TMEM132C: variants seen among roughly 807,000 people sequenced by gnomAD.
TMEM132C encodes transmembrane protein 132C, also known as protein phosphatase 1, regulatory subunit 152.
TMEM132C carries 29 observed loss-of-function variants against 61.4 expected under a neutral mutation model. The observed-to-expected ratio is 0.47, with a 90% CI of 0.35 to 0.64. The LOEUF (loss-of-function observed/expected upper bound fraction) is 0.64, where lower values mean the gene tolerates loss of function less well. TMEM132C is among the 30% of genes least tolerant of loss of function. TMEM132C has a pLI of 0.00. For synonymous variants in TMEM132C, 656 were observed against 633.1 expected, an observed-to-expected ratio of 1.04 and a Z score of -0.54; for missense variants, 1,408 against 1,476.9, an observed-to-expected ratio of 0.95 and a Z score of 0.76.
chr12:128,414,910 A>C lies in TMEM132C; in HGVS notation c.264A>C (p.Lys88Asn). 6.4e-7 allele frequency: 1 copy of C among 1,551,606 alleles called. No homozygotes were observed. Among genetic ancestry groups the C allele is most frequent in the Non-Finnish European group, 8.7e-7 (1 of 1,147,026 alleles). Residue 88 changes from lysine to asparagine, a missense_variant, in exon 2 of 9, where the codon AAA becomes AAC. Coordinates refer to ENST00000435159, the MANE Select transcript of TMEM132C (RefSeq NM_001136103.3). The part of the protein sequence containing the change: ...QARVESFFTY[K>N]TRQPPVLNAS... ...GGGTGGAGTCCTTCTTTACCTACAA[A>C]ACCAGGCAGCCCCCAGTGCTCAATG...
chr12:128,484,025 G>A (rs1303297316), intron 2 of TMEM132C, among the ~76,000 whole-genome samples: 1 of 152,016 alleles, frequency 6.6e-6, no homozygotes, highest in Non-Finnish European at 1.5e-5. Context: ...TCTTCCAACT[G>A]CAGTTCAGAA....
chr12:128,675,892 G>A (rs147250446), intron 5 of TMEM132C, among the ~76,000 whole-genome samples: 3 of 132,966 alleles, frequency 2.3e-5, no homozygotes, highest in Non-Finnish European at 3.3e-5. Context: ...TAAATAGATA[G>A]ATAGATAGAT....
At chr12:128,360,774 C>T (rs1683745) in intron 1 of TMEM132C, among the ~76,000 whole-genome samples, 26,171 of 152,058 alleles carry the variant, frequency 0.17, 3,046 homozygotes, top group African/African-American at 0.32. Context: ...CCTTAGGAGC[C>T]GCCTTGATCC....
chr12:128,512,653 G>A (rs1030110368), intron 2 of TMEM132C, among the ~76,000 whole-genome samples: 1 of 152,214 alleles, frequency 6.6e-6, no homozygotes, highest in Non-Finnish European at 1.5e-5. Context: ...GTAAAGCTCT[G>A]CAAGTAGGCA....
intron 2 of TMEM132C, among the ~76,000 whole-genome samples, chr12:128,513,299 C>G (rs1872622942): frequency 6.6e-6 from 1 of 152,126 alleles, no homozygotes. Flanking sequence ...TCCTCTGCCT[C>G]CCCCTCCTCC....
intron 2 of TMEM132C, among the ~76,000 whole-genome samples, chr12:128,527,468 A>G (rs1337422181): frequency 6.6e-6 from 1 of 152,180 alleles, no homozygotes; most frequent in Admixed American, 6.5e-5. Context: ...CCCCCTGCCA[A>G]AGCTCCTCCG....
At chr12:128,656,593 T>A (rs545233762) in intron 4 of TMEM132C, among the ~76,000 whole-genome samples, 37 of 152,342 alleles carry the variant, frequency 2.4e-4, no homozygotes, top group Non-Finnish European at 3.1e-4. Context: ...GGTAAAGCAC[T>A]GGTAAATGTG....
rs189544291 is a variant in TMEM132C, at chr12:128,640,121, A to C, written c.1305+23786A>C. On this transcript the variant is annotated intron_variant, in intron 4 of 8. Coordinates refer to ENST00000435159, the MANE Select transcript of TMEM132C (RefSeq NM_001136103.3). The stretch of plus-strand genomic sequence containing the variant: ...TGGGCTGGGGTTTACAATAATTTCT[A>C]CAAAGTCCATTTCACCTCCTTGCTT... Among the ~76,000 whole-genome samples the C allele has an allele frequency of 4.5e-4, 68 of 152,360 alleles. 1 individual carries two copies. In the East Asian group the frequency reaches 0.011, roughly 24 times the overall value.
chr12:128,622,361 ATATATATATATATATATAT>A lies in TMEM132C; in HGVS notation c.1305+6027_1305+6045del, dbSNP rs1374130479. On this transcript the variant is annotated intron_variant, in intron 4 of 8. Coordinates refer to ENST00000435159, the MANE Select transcript of TMEM132C (RefSeq NM_001136103.3). Reference sequence around the variant, plus strand: ...TTTGTCTCAAAAAAAAAAAAAAAAAATATATATATATATATATATATATATATATATATATATATAACCA... The same window carrying A: ...TTTGTCTCAAAAAAAAAAAAAAAAAAATATATATATATATATATATAACCA... Among the ~76,000 whole-genome samples, 186 of 38,172 alleles carry A rather than the reference ATATATATATATATATATAT, an allele frequency of 4.9e-3. 12 individuals carry two copies. Among genetic ancestry groups the A allele is most frequent in the South Asian group, 0.021 (15 of 724 alleles). 25.0% of individuals were successfully genotyped at this position (38,172 alleles called of 152,430 possible). A position where few individuals can be genotyped will look rare whatever the true frequency, so the allele number is the denominator to read the frequency against.
chr12:128,438,995 C>G (rs1306118944), intron 2 of TMEM132C: 1 of 152,160 alleles, frequency 6.6e-6, no homozygotes, highest in East Asian at 1.9e-4. Context: ...TGGGCAAGGT[C>G]AAGATACCCT....
intron 1 of TMEM132C, among the ~76,000 whole-genome samples, chr12:128,315,864 G>A (rs1439277902): frequency 6.6e-6 from 1 of 151,852 alleles, no homozygotes; most frequent in African/African-American, 2.4e-5. Context: ...ACAAGCCCAC[G>A]GGTGACAAGC....
chr12:128,281,603 G>T (rs1870898222), intron 1 of TMEM132C, among the ~76,000 whole-genome samples: 1 of 152,200 alleles, frequency 6.6e-6, no homozygotes, highest in Non-Finnish European at 1.5e-5. Context: ...AACCCTAGGA[G>T]GCTGACCCTG....
At chr12:128,376,164 G>A (rs142406542) in intron 1 of TMEM132C, among the ~76,000 whole-genome samples, 11 of 152,200 alleles carry the variant, frequency 7.2e-5, no homozygotes, top group Non-Finnish European at 1.0e-4. Flanking sequence ...GAAATCATCA[G>A]TTAAGGATTT....
intron 4 of TMEM132C, among the ~76,000 whole-genome samples, chr12:128,637,720 G>A (rs879578161): frequency 2.0e-5 from 3 of 152,086 alleles, no homozygotes; most frequent in Admixed American, 6.5e-5. Flanking sequence ...CTCTCGCCAC[G>A]ATACAAACCT....
chr12:128,549,424 G>A (rs1457879876), intron 3 of TMEM132C, among the ~76,000 whole-genome samples: 1 of 152,054 alleles, frequency 6.6e-6, no homozygotes, highest in Non-Finnish European at 1.5e-5. Context: ...GCGCGTCAAA[G>A]GGCTGCTTGG....
chr12:128,382,277 C>T (rs1246303212), intron 1 of TMEM132C, among the ~76,000 whole-genome samples: 1 of 152,166 alleles, frequency 6.6e-6, no homozygotes, highest in East Asian at 1.9e-4. Flanking sequence ...TATATAAATG[C>T]TATCATACTG....
intron 1 of TMEM132C, among the ~76,000 whole-genome samples, chr12:128,378,377 A>C (rs1874281979): frequency 6.6e-6 from 1 of 152,036 alleles, no homozygotes; most frequent in African/African-American, 2.4e-5. Context: ...CGGCCTCCCA[A>C]AGTGCTGGGA....
At chr12:128,470,121 T>C (rs756379946) in intron 2 of TMEM132C, among the ~76,000 whole-genome samples, 3 of 152,198 alleles carry the variant, frequency 2.0e-5, no homozygotes, top group Non-Finnish European at 2.9e-5. Context: ...CTGTTCCAAG[T>C]GGACCAGCTT....
chr12:128,469,721 T>G lies in TMEM132C; in HGVS notation c.974+54101T>G, dbSNP rs1393259063. ...GTATATATATGCATTTATGTGTGTG[T>G]GTATATATATATGCATTTATGTGTG... On this transcript the variant is annotated intron_variant, in intron 2 of 8. Transcript: ENST00000435159. Among the ~76,000 whole-genome samples, 3 of 151,966 alleles carry G rather than the reference T, an allele frequency of 2.0e-5. No individual in the cohort carries two copies. The East Asian group carries it at 5.8e-4, about 29-fold the overall frequency.
Sources: gnomAD v4.1 joint callset for allele counts (sites outside exome capture counted in the v4.1 genomes callset) on GRCh38, gnomAD v4.1.1 for gene constraint, MANE v1.5 for transcripts, NCBI Gene and HGNC (gene_info 2026-07-23, HGNC 2026-07-21) for gene names.